Variants in KIAA1549L observed in about 807,000 individuals in gnomAD.
KIAA1549L encodes the protein KIAA1549 like.
KIAA1549L carries 88 observed loss-of-function variants against 160.7 expected under a neutral mutation model. That is an observed-to-expected ratio of 0.55 (90% CI 0.46 to 0.65). KIAA1549L has a LOEUF of 0.65. KIAA1549L is among the 30% of genes least tolerant of loss of function. KIAA1549L has a pLI of 0.00. For synonymous variants in KIAA1549L, 950 were observed against 976.7 expected (o/e 0.97, Z 0.51); for missense variants, 2,258 against 2,437.5 (o/e 0.93, Z 1.55).
intron 13 of KIAA1549L, among the ~76,000 whole-genome samples, chr11:33,605,583 CT>C (rs1850479589): frequency 6.6e-6 from 1 of 152,178 alleles, no homozygotes; most frequent in Non-Finnish European, 1.5e-5. Context: ...ATTTACTTGG[CT>C]TAATTTGACA....
chr11:33,540,322 G>T (rs1189757567), intron 1 of KIAA1549L, among the ~76,000 whole-genome samples: 3 of 152,094 alleles, frequency 2.0e-5, no homozygotes, highest in Non-Finnish European at 4.4e-5. Flanking sequence ...TTTAAACAAA[G>T]GTACAAAAGA....
intron 1 of KIAA1549L, among the ~76,000 whole-genome samples, chr11:33,477,520 A>C (rs12787524): frequency 0.27 from 39,976 of 147,010 alleles, 5,530 homozygotes; most frequent in Admixed American, 0.35. Context: ...CACACACACA[A>C]ACACACACAC....
intron 20 of KIAA1549L, among the ~76,000 whole-genome samples, chr11:33,662,448 G>A (rs531963231): frequency 6.6e-6 from 1 of 152,248 alleles, no homozygotes; most frequent in African/African-American, 2.4e-5. Flanking sequence ...CTGAATGTGG[G>A]ACTTTACGGC....
chr11:33,567,891 A>G (rs953941339), intron 8 of KIAA1549L, among the ~76,000 whole-genome samples, 185 bp from the exon 9 acceptor site: 1 of 152,190 alleles, frequency 6.6e-6, no homozygotes, highest in Non-Finnish European at 1.5e-5. Context: ...CAGCATCTAT[A>G]ACATGTGGAT....
chr11:33,487,519 T>A (rs940193445), intron 1 of KIAA1549L, among the ~76,000 whole-genome samples: 1 of 151,870 alleles, frequency 6.6e-6, no homozygotes, highest in Non-Finnish European at 1.5e-5. Context: ...GGGAATGAGA[T>A]GTTCTAGCAA....
chr11:33,396,223 A>G (rs374740249), intron 1 of KIAA1549L, among the ~76,000 whole-genome samples: 17 of 152,278 alleles, frequency 1.1e-4, no homozygotes, highest in African/African-American at 3.6e-4. Context: ...CCATCAGACC[A>G]TTGGAACCCC....
At chr11:33,460,763 C>T (rs1448897010) in intron 1 of KIAA1549L, among the ~76,000 whole-genome samples, 1 of 152,132 alleles carries the variant, frequency 6.6e-6, no homozygotes, top group Non-Finnish European at 1.5e-5. Context: ...AGAAAAATCC[C>T]TCTTAAGTAT....
chr11:33,476,050 G>A (rs1487157244), intron 1 of KIAA1549L, among the ~76,000 whole-genome samples: 3 of 152,134 alleles, frequency 2.0e-5, no homozygotes, highest in Non-Finnish European at 2.9e-5. Context: ...TTAAAACCTG[G>A]AAACTCCACA....
chr11:33,507,466 G>A (rs1285249313), intron 1 of KIAA1549L, among the ~76,000 whole-genome samples: 1 of 152,206 alleles, frequency 6.6e-6, no homozygotes, highest in Non-Finnish European at 1.5e-5. Flanking sequence ...CTGGCAAAGA[G>A]TTTCCTGAGG....
chr11:33,429,731 C>G (rs544898319), intron 1 of KIAA1549L, among the ~76,000 whole-genome samples: 17 of 152,254 alleles, frequency 1.1e-4, no homozygotes, highest in African/African-American at 3.8e-4. Flanking sequence ...TTCCATTGTT[C>G]AGGCCAGGAA....
At chr11:33,621,812 A>C (rs1418199987) in intron 16 of KIAA1549L, among the ~76,000 whole-genome samples, 2 of 152,238 alleles carry the variant, frequency 1.3e-5, no homozygotes, top group African/African-American at 4.8e-5. Flanking sequence ...CCCAGAAAGA[A>C]AAATGCACCT....
At chr11:33,527,694 A>G (rs1853644899) in intron 1 of KIAA1549L, among the ~76,000 whole-genome samples, 1 of 152,192 alleles carries the variant, frequency 6.6e-6, no homozygotes, top group African/African-American at 2.4e-5. Flanking sequence ...CTGACAAAGG[A>G]CTAATATCCA....
At chr11:33,575,416 T>A (rs1182333555) in intron 10 of KIAA1549L, among the ~76,000 whole-genome samples, 1 of 152,082 alleles carries the variant, frequency 6.6e-6, no homozygotes, top group Non-Finnish European at 1.5e-5. Context: ...AGAGGAAGGA[T>A]GTTAAAAATA....
intron 1 of KIAA1549L, among the ~76,000 whole-genome samples, chr11:33,385,762 C>T (rs535900118): frequency 2.2e-4 from 33 of 151,212 alleles, no homozygotes; most frequent in East Asian, 7.7e-4. Context: ...TTTTTTAATC[C>T]GTGAACATAT....
rs192249314 is a variant in KIAA1549L at position 33,652,071 on chromosome 11, T to G, written c.5761-3941T>G. Among the ~76,000 whole-genome samples the G allele has an allele frequency of 3.7e-3, 559 of 150,806 alleles. 3 individuals carry two copies. The highest frequency in any genetic ancestry group is 0.013 in the African/African-American group (541 of 40,934). On this transcript the variant is annotated intron_variant, in intron 17 of 20. Transcript: ENST00000658780. ...TGCCTTCAGTCCTGAGTCTTTTATC[T>G]CCTTCCTGGCCAGAGGGCAGGGACC... is the stretch of plus-strand genomic sequence containing the variant.
intron 9 of KIAA1549L, among the ~76,000 whole-genome samples, chr11:33,568,775 C>CCCCTTACCATTT (rs1207157005): frequency 6.6e-6 from 1 of 152,212 alleles, no homozygotes; most frequent in African/African-American, 2.4e-5. Flanking sequence ...CAGCCCACAT[C>CCCCTTACCATTT]CCCTTACCAT....
intron 16 of KIAA1549L, among the ~76,000 whole-genome samples, chr11:33,642,426 T>C (rs1259800722): frequency 6.6e-6 from 1 of 152,188 alleles, no homozygotes; most frequent in Non-Finnish European, 1.5e-5. Flanking sequence ...TGCACCCTTA[T>C]AGATGGAGCA....
rs892200448 is a variant in KIAA1549L at position 33,398,942 on chromosome 11, C to T, written c.238+22053C>T. Among the ~76,000 whole-genome samples the T allele has an allele frequency of 5.5e-5, 7 of 126,572 alleles. No homozygotes were observed. In the Admixed American group the frequency reaches 6.2e-4, roughly 11 times the overall value. The allele number at this position is 126,572 out of a possible 152,430, so 83.0% of individuals were successfully genotyped here. ...TAGGAATTTTTGGCTCCTTTCACTCCAGTGAGTGTTTTTTTTTTTTTTTCT... is the reference window on the plus strand; with the variant it reads ...TAGGAATTTTTGGCTCCTTTCACTCTAGTGAGTGTTTTTTTTTTTTTTTCT... On this transcript the variant is annotated intron_variant, in intron 1 of 20. Transcript: ENST00000658780.
intron 17 of KIAA1549L, among the ~76,000 whole-genome samples, chr11:33,646,482 A>G (rs1311422635): frequency 1.3e-5 from 2 of 152,232 alleles, no homozygotes; most frequent in African/African-American, 4.8e-5. Context: ...TACCAGATGA[A>G]AGTTGACAGA....
Sources: gnomAD v4.1 joint callset for allele counts (sites outside exome capture counted in the v4.1 genomes callset) on GRCh38, gnomAD v4.1.1 for gene constraint, MANE v1.5 for transcripts, NCBI Gene and HGNC (gene_info 2026-07-23, HGNC 2026-07-21) for gene names.